The following RIF1 variants were observed in gnomAD, a reference collection of about 807,000 sequenced individuals.
RIF1 encodes the protein telomere-associated protein RIF1.
Under a neutral mutation model 247.1 loss-of-function variants are expected in RIF1, and 45 were observed. The ratio of observed to expected loss-of-function variants is 0.18; its 90% CI spans 0.14 to 0.23. The LOEUF is 0.23. Ranked by LOEUF, RIF1 falls within the 10% of genes least tolerant of loss-of-function variation. RIF1 has a pLI of 1.00. For synonymous variants in RIF1, 1,087 were observed against 978.8 expected (o/e 1.11, Z -2.06); for missense variants, 2,967 against 2,862.5 (o/e 1.04, Z -0.83).
chr2:151,468,287 C>T, intron 31 of RIF1, 141 bp downstream of exon 31: 2 of 927,094 alleles, frequency 2.2e-6, no homozygotes, highest in East Asian at 2.6e-5. Context: ...ACACGGTAAG[C>T]AGAAAGGAAG....
At chr2:151,419,677 C>T (rs545844448) in intron 6 of RIF1, among the ~76,000 whole-genome samples, 7 of 152,188 alleles carry the variant, frequency 4.6e-5, no homozygotes, top group South Asian at 2.1e-4. Flanking sequence ...TATGTAAATG[C>T]GCCGTACTTT....
chr2:151,430,097 T>C (rs1689808426), intron 9 of RIF1, among the ~76,000 whole-genome samples: 2 of 151,920 alleles, frequency 1.3e-5, no homozygotes, highest in Admixed American at 1.3e-4. Context: ...CTCGGCTCAC[T>C]GCAAGCTCCG....
intron 8 of RIF1, among the ~76,000 whole-genome samples, chr2:151,425,928 C>T (rs1310713057): frequency 6.6e-6 from 1 of 151,514 alleles, no homozygotes; most frequent in African/African-American, 2.4e-5. Flanking sequence ...ATCCACCCGC[C>T]TCGACCTCCC....
In RIF1 at chr2:151,411,145, C is replaced by T; in HGVS notation, c.105-115C>T. 3 of 665,954 alleles carry T rather than the reference C, an allele frequency of 4.5e-6. No individual in the cohort carries two copies. The South Asian group carries it at 5.7e-5, about 13-fold the overall frequency. The allele number at this position is 665,954 out of a possible 1,614,324, so 41.3% of individuals were successfully genotyped here. A position where few individuals can be genotyped will look rare whatever the true frequency, so the allele number is the denominator to read the frequency against. Reference sequence around the variant, plus strand: ...CCCTTAAGGACCTTACCTACTGGGTCAATTCATTTGCAGGAGTTAGAAAGT... The same window carrying T: ...CCCTTAAGGACCTTACCTACTGGGTTAATTCATTTGCAGGAGTTAGAAAGT... On this transcript the variant is annotated intron_variant, in intron 2 of 35. Transcript: ENST00000444746.
chr2:151,411,447 A>G (rs1438421797), intron 3 of RIF1, 109 bp downstream of exon 3: 1 of 660,310 alleles, frequency 1.5e-6, no homozygotes, highest in African/African-American at 1.9e-5. Context: ...CCCAGGCGAG[A>G]GTGCAATGGC....
chr2:151,490,154 G>A (rs1574524385), intron 9 of RIF1: 1 of 1,254,542 alleles, frequency 8.0e-7, no homozygotes, highest in East Asian at 2.3e-5. Context: ...GCAGCTGAGT[G>A]ATGTCTTTTT....
intron 3 of RIF1, among the ~76,000 whole-genome samples, chr2:151,414,610 C>T (rs1029931257): frequency 3.3e-5 from 5 of 152,198 alleles, no homozygotes; most frequent in Non-Finnish European, 7.3e-5. Context: ...TTCAGGTGAT[C>T]TCGATCCAGT....
At chr2:151,513,526 C>T in the RIF1 span, 3 of 1,294,464 alleles carry the variant, frequency 2.3e-6, no homozygotes, top group Non-Finnish European at 2.2e-6. Flanking sequence ...CACTTTATGT[C>T]CTTAAAGTTA....
At position 151,492,007 on chromosome 2, in the gene RIF1, T is replaced by TTA. The variant is rs2057001440; in HGVS notation, c.*416-3220_*416-3219dup. The stretch of plus-strand genomic sequence containing the variant: ...CTCTAGAAAAACAGATTGAAGTCCT[T>TTA]TATGTTTTGACTTGATGTAGGTAAT... On this transcript the variant is annotated intron_variant and NMD_transcript_variant, in intron 9 of 13. Coordinates refer to the RIF1 transcript ENST00000454583. 6 of 1,342,094 alleles carry TTA rather than the reference T, an allele frequency of 4.5e-6. No individual in the cohort carries two copies. In the Admixed American group the frequency reaches 5.7e-5, roughly 13 times the overall value. The allele number at this position is 1,342,094 out of a possible 1,614,324, so 83.1% of individuals were successfully genotyped here.
chr2:151,493,683 G>A, intron 9 of RIF1: 1 of 1,093,154 alleles, frequency 9.1e-7, no homozygotes, highest in Non-Finnish European at 1.3e-6. Context: ...ATACACAAAA[G>A]TTTTGGAAAA....
intron 7 of RIF1, among the ~76,000 whole-genome samples, chr2:151,421,736 A>C (rs1423757507): frequency 6.6e-6 from 1 of 152,210 alleles, no homozygotes; most frequent in East Asian, 1.9e-4. Flanking sequence ...TTACTTGCTT[A>C]AAATGCAGAA....
chr2:151,440,394 C>T (rs1401366360), intron 15 of RIF1, among the ~76,000 whole-genome samples: 1 of 152,114 alleles, frequency 6.6e-6, no homozygotes, highest in African/African-American at 2.4e-5. Context: ...GGGTAAAGGA[C>T]ATGAAACTTG....
chr2:151,500,156 T>G (rs1376085876), intron 11 of RIF1, among the ~76,000 whole-genome samples: 1 of 152,074 alleles, frequency 6.6e-6, no homozygotes, highest in Admixed American at 6.6e-5. Flanking sequence ...CATTGAAAAT[T>G]TAACAAAATT....
intron 9 of RIF1, chr2:151,494,856 G>T (rs1306894915): frequency 6.5e-6 from 1 of 152,784 alleles, no homozygotes; most frequent in Non-Finnish European, 1.5e-5. Context: ...CACTATGTTG[G>T]TCTTGCTGGT....
chr2:151,514,827 T>C, the RIF1 span: 1 of 1,572,110 alleles, frequency 6.4e-7, no homozygotes, highest in Non-Finnish European at 8.6e-7. Flanking sequence ...CCTCGCTTGC[T>C]ATTTTAGTTG....
chr2:151,484,753 G>T (rs1271276504), downstream of RIF1, among the ~76,000 whole-genome samples: 1 of 152,148 alleles, frequency 6.6e-6, no homozygotes, highest in Non-Finnish European at 1.5e-5. Context: ...GCACCATTTG[G>T]CACCATTTGG....
At chr2:151,500,656 G>T (rs1351548232) in intron 11 of RIF1, among the ~76,000 whole-genome samples, 4 of 148,764 alleles carry the variant, frequency 2.7e-5, no homozygotes, top group African/African-American at 9.9e-5. Flanking sequence ...GAGTACAGTG[G>T]CACAATCACG....
rs915895010 is a variant in RIF1 at position 151,497,899 on chromosome 2, A to G, written c.*514-1446A>G. The G allele has an allele frequency of 1.0e-5, 15 of 1,482,140 alleles. No individual in the cohort carries two copies. The African/African-American group carries it at 1.7e-4, about 17-fold the overall frequency. The allele number at this position is 1,482,140 out of a possible 1,614,324, so 91.8% of individuals were successfully genotyped here. Reference sequence around the variant, plus strand: ...ATAGGGAATCTGCACCCTCTAGAGAAGCAGGGACTTCAGCTGCTGAGGAAG... The same window carrying G: ...ATAGGGAATCTGCACCCTCTAGAGAGGCAGGGACTTCAGCTGCTGAGGAAG... On this transcript the variant is annotated intron_variant and NMD_transcript_variant, in intron 10 of 13. Transcript: ENST00000454583.
At chr2:151,415,998 A>G (rs1364690284) in intron 4 of RIF1, among the ~76,000 whole-genome samples, 1 of 152,248 alleles carries the variant, frequency 6.6e-6, no homozygotes, top group Non-Finnish European at 1.5e-5. Context: ...AATGTGGGAT[A>G]ATTTGGAACT....
Sources: gnomAD v4.1 joint callset for allele counts (sites outside exome capture counted in the v4.1 genomes callset) on GRCh38, gnomAD v4.1.1 for gene constraint, MANE v1.5 for transcripts, NCBI Gene and HGNC (gene_info 2026-07-23, HGNC 2026-07-21) for gene names.